The following CFAP77 variants were observed in gnomAD, a reference collection of about 807,000 sequenced individuals.
The protein encoded by CFAP77 is cilia- and flagella-associated protein 77.
A neutral mutation model predicts 31.1 loss-of-function variants in CFAP77; 25 were observed. The observed-to-expected ratio is 0.80, with a 90% confidence interval of 0.59 to 1.12. The LOEUF (loss-of-function observed/expected upper bound fraction) is 1.12, where lower values mean the gene tolerates loss of function less well. Among genes scored for constraint, CFAP77 ranks in the 50% most tolerant of loss-of-function variants. The pLI, the probability that CFAP77 is intolerant of heterozygous loss-of-function variation, is 0.00. For missense variants in CFAP77, 377 were observed against 397.3 expected (o/e 0.95, Z 0.44); for synonymous variants, 151 against 159.9 (o/e 0.94, Z 0.42).
At chr9:132,483,840 C>T (rs1168182716) in intron 1 of CFAP77, among the ~76,000 whole-genome samples, 2 of 152,086 alleles carry the variant, frequency 1.3e-5, no homozygotes, top group South Asian at 2.1e-4. Flanking sequence ...TTTGTCTGCA[C>T]GTCTTTCCTC....
chr9:132,498,446 C>A lies in CFAP77; in HGVS notation c.196-249C>A, dbSNP rs1851781289. ...AACAATACACATGTACCGAGAGGCC[C>A]CCCGTCTCTGATGTCTTCACTTGCC... On this transcript the variant is annotated intron_variant, in intron 1 of 5. Transcript: ENST00000393216. The surrounding 1 kb of genome is among the most constrained non-coding windows in gnomAD (Gnocchi z 4.2). Among the ~76,000 whole-genome samples, 1 of 152,130 alleles carries A rather than the reference C, an allele frequency of 6.6e-6. No individual in the cohort carries two copies. The highest frequency in any genetic ancestry group is 1.5e-5 in the Non-Finnish European group (1 of 68,018).
intron 1 of CFAP77, among the ~76,000 whole-genome samples, chr9:132,450,835 G>A (rs552619526): frequency 6.6e-6 from 1 of 152,330 alleles, no homozygotes; most frequent in East Asian, 1.9e-4. Flanking sequence ...AGACCCAGGA[G>A]GAGGCTATGG....
Position 132,410,424 on chromosome 9 carries a change from G to A in CFAP77, c.153G>A (p.Gly51=), listed in dbSNP as rs141479054. Reference sequence around the variant, plus strand: ...CCGGCATGGAGAACGAGCGGCTGGGGGTCGTGCGGGACTCCATGTTTCAGA... The same window carrying A: ...CCGGCATGGAGAACGAGCGGCTGGGAGTCGTGCGGGACTCCATGTTTCAGA... ...IRSGMENERL[G]VVRDSMFQNP... is the part of the protein sequence containing the mutation. The change falls in exon 1 of 6, where the codon GGG becomes GGA. Residue 51 remains glycine (G), a synonymous_variant. Transcript: ENST00000393216. 399 of 1,599,426 alleles carry A rather than the reference G, an allele frequency of 2.5e-4. No homozygotes were observed. The African/African-American group carries it at 4.8e-3, about 19-fold the overall frequency.
intron 1 of CFAP77, among the ~76,000 whole-genome samples, chr9:132,483,897 G>A (rs534242216): frequency 1.8e-4 from 27 of 151,412 alleles, no homozygotes; most frequent in Admixed American, 9.9e-4. Flanking sequence ...TCAGTTGCTC[G>A]ACAGGAACCA....
chr9:132,468,172 G>A (rs1356049439), intron 1 of CFAP77, among the ~76,000 whole-genome samples: 9 of 151,972 alleles, frequency 5.9e-5, no homozygotes, highest in East Asian at 3.9e-4. Context: ...GCGAAACCCC[G>A]TATCTACTAA....
At chr9:132,509,560 G>T (rs1228977903) in intron 3 of CFAP77, among the ~76,000 whole-genome samples, 1 of 152,218 alleles carries the variant, frequency 6.6e-6, no homozygotes, top group African/African-American at 2.4e-5. Context: ...CTTGAGGTCA[G>T]GAGTTCGAGA....
At chr9:132,425,633 G>A (rs1564199763) in intron 1 of CFAP77, among the ~76,000 whole-genome samples, 2 of 152,040 alleles carry the variant, frequency 1.3e-5, no homozygotes, top group South Asian at 2.1e-4. Context: ...CTAACTAGGC[G>A]CCGAGTGTGA....
chr9:132,417,118 C>CTTT (rs142153092), intron 1 of CFAP77, among the ~76,000 whole-genome samples: 26 of 139,232 alleles, frequency 1.9e-4, no homozygotes, highest in Admixed American at 1.0e-3. Flanking sequence ...TTCTTTTTTT[C>CTTT]TTTTTTTTTT....
chr9:132,453,210 A>G (rs1850856473), intron 1 of CFAP77, among the ~76,000 whole-genome samples: 1 of 152,086 alleles, frequency 6.6e-6, no homozygotes, highest in Non-Finnish European at 1.5e-5. Flanking sequence ...TCCTTCCCAA[A>G]TTTAACGTTC....
rs535730844 is a variant in CFAP77 at position 132,483,442 on chromosome 9, G to T, written c.196-15253G>T. 2.6e-5 allele frequency among the ~76,000 whole-genome samples: 4 copies of T among 152,236 alleles called. No homozygotes were observed. The East Asian group carries it at 5.8e-4, about 22-fold the overall frequency. The stretch of plus-strand genomic sequence containing the variant: ...GCTCCTCTGACCCACGAGGGGTTGT[G>T]GGGGACCTGCAGCAGCCACCCATCT... On this transcript the variant is annotated intron_variant, in intron 1 of 5. Coordinates refer to ENST00000393216, the MANE Select transcript of CFAP77 (RefSeq NM_001282957.2).
rs993748694 is a variant in CFAP77 at position 132,545,081 on chromosome 9, C to T, written c.732+2034C>T. Among the ~76,000 whole-genome samples the T allele has an allele frequency of 2.6e-5, 4 of 152,204 alleles. No individual in the cohort carries two copies. Among genetic ancestry groups the T allele is most frequent in the Non-Finnish European group, 2.9e-5 (2 of 68,036 alleles). The stretch of plus-strand genomic sequence containing the variant: ...GTCTGTCTCACTCACCTGTGTCCCA[C>T]GGCGCCTGGCCCCAAGTAGGAGCTA... On this transcript the variant is annotated intron_variant, in intron 5 of 5. Coordinates refer to ENST00000393216, the MANE Select transcript of CFAP77 (RefSeq NM_001282957.2). The surrounding 1 kb of genome is among the most constrained non-coding windows in gnomAD (Gnocchi z 4.6).
intron 1 of CFAP77, among the ~76,000 whole-genome samples, chr9:132,475,639 C>A (rs1052376215): frequency 3.3e-5 from 5 of 152,212 alleles, no homozygotes; most frequent in African/African-American, 1.2e-4. Context: ...GGGCTGGCAG[C>A]TTTCCCTACA....
In CFAP77 at chr9:132,481,967, G is replaced by T. The variant is rs528706565; in HGVS notation, c.196-16728G>T. Among the ~76,000 whole-genome samples, 136 of 151,460 alleles carry T rather than the reference G, an allele frequency of 9.0e-4. 2 individuals are homozygous for T. Among genetic ancestry groups the T allele is most frequent in the African/African-American group, 1.8e-3 (75 of 41,314 alleles). On this transcript the variant is annotated intron_variant, in intron 1 of 5. Coordinates refer to ENST00000393216, the MANE Select transcript of CFAP77 (RefSeq NM_001282957.2). The surrounding 1 kb of genome is among the most constrained non-coding windows in gnomAD (Gnocchi z 5.0). The stretch of plus-strand genomic sequence containing the variant: ...GAACAAGGGTTTATGGTTGGGGGGG[G>T]GGGGGGCGGCGGAACACTGAACATT...
At position 132,487,687 on chromosome 9, in the gene CFAP77, A is replaced by G. The variant is rs118043457; in HGVS notation, c.196-11008A>G. ...CTTGACATTACTTTATACGCCTTTG[A>G]TCACACATGGATGTGGTCTTCTCAT... On this transcript the variant is annotated intron_variant, in intron 1 of 5. Transcript: ENST00000393216. 7.2e-5 allele frequency among the ~76,000 whole-genome samples: 10 copies of G among 138,266 alleles called. No homozygotes were observed. The East Asian group carries it at 1.8e-3, about 25-fold the overall frequency. The allele number at this position is 138,266 out of a possible 152,430, so 90.7% of individuals were successfully genotyped here.
chr9:132,551,431 G>A (rs909926830), intron 5 of CFAP77, among the ~76,000 whole-genome samples: 23 of 152,292 alleles, frequency 1.5e-4, no homozygotes, highest in African/African-American at 5.5e-4. Context: ...GAGTAGCTGG[G>A]ATTACAGACA....
chr9:132,494,348 A>G (rs1851703006), intron 1 of CFAP77, among the ~76,000 whole-genome samples: 1 of 152,094 alleles, frequency 6.6e-6, no homozygotes, highest in Non-Finnish European at 1.5e-5. Flanking sequence ...GGAGGATAGC[A>G]CCCTCTCCCA....
In CFAP77 at chr9:132,518,179, A is replaced by G. The variant is rs530694172; in HGVS notation, c.524+18579A>G. ...TAGAAACAGCAGCTTGGAAGCCCTC[A>G]CAGCCCGAGTGTGAGGGCCTGAGAC... On this transcript the variant is annotated intron_variant, in intron 3 of 5. Coordinates refer to ENST00000393216, the MANE Select transcript of CFAP77 (RefSeq NM_001282957.2). Among the ~76,000 whole-genome samples the G allele has an allele frequency of 1.1e-4, 17 of 152,202 alleles. 1 individual carries two copies. Among genetic ancestry groups the G allele is most frequent in the Admixed American group, 8.5e-4 (13 of 15,302 alleles).
rs1249230515 is a variant in CFAP77 at position 132,430,941 on chromosome 9, G to A, written c.195+20475G>A. 2.6e-5 allele frequency among the ~76,000 whole-genome samples: 4 copies of A among 152,302 alleles called. No homozygotes were observed. In the East Asian group the frequency reaches 5.8e-4, roughly 22 times the overall value. On this transcript the variant is annotated intron_variant, in intron 1 of 5. Transcript: ENST00000393216. Reference sequence around the variant, plus strand: ...TTTTAAAAATGACCTTTATCCAAAGGCCAGGCTATAGTCAGTGCTGCACAG... The same window carrying A: ...TTTTAAAAATGACCTTTATCCAAAGACCAGGCTATAGTCAGTGCTGCACAG...
At chr9:132,466,335 T>C (rs1851150419) in intron 1 of CFAP77, among the ~76,000 whole-genome samples, 1 of 152,140 alleles carries the variant, frequency 6.6e-6, no homozygotes, top group Non-Finnish European at 1.5e-5. Context: ...GGGATGCCTT[T>C]AGACAACGCT....
Sources: allele counts gnomAD v4.1 joint callset (sites outside exome capture counted in the v4.1 genomes callset), GRCh38; gene constraint gnomAD v4.1.1; non-coding constraint Gnocchi (gnomAD v3.1); transcripts MANE v1.5; gene names NCBI Gene and HGNC (gene_info 2026-07-23, HGNC 2026-07-21).